The following COBL variants were observed in gnomAD, a reference collection of about 807,000 sequenced individuals.
The protein encoded by COBL is protein cordon-bleu.
In COBL, 51 loss-of-function variants were observed where a neutral mutation model predicts 98.8. The ratio of observed to expected loss-of-function variants is 0.52; its 90% CI spans 0.41 to 0.65. COBL has a LOEUF of 0.65. Ranked by LOEUF, COBL falls within the 30% of genes least tolerant of loss-of-function variation. The pLI, the probability that COBL is intolerant of heterozygous loss-of-function variation, is 0.00. For synonymous variants in COBL, 634 were observed against 651.7 expected, an observed-to-expected ratio of 0.97 and a Z score of 0.41; for missense variants, 1,617 against 1,617.5, an observed-to-expected ratio of 1.00 and a Z score of 0.01.
intron 1 of COBL, among the ~76,000 whole-genome samples, chr7:51,281,906 G>T (rs1799850585): frequency 6.6e-6 from 1 of 152,114 alleles, no homozygotes; most frequent in Non-Finnish European, 1.5e-5. Context: ...TTAAAATGTA[G>T]ATGTAACACA....
chr7:51,101,723 C>T (rs1795824430), intron 6 of COBL, among the ~76,000 whole-genome samples: 1 of 152,212 alleles, frequency 6.6e-6, no homozygotes, highest in Non-Finnish European at 1.5e-5. Flanking sequence ...CAAAGTGTTG[C>T]TTTAGAAAAT....
chr7:51,196,769 T>C (rs908896873), intron 2 of COBL, among the ~76,000 whole-genome samples: 28 of 152,102 alleles, frequency 1.8e-4, no homozygotes, highest in African/African-American at 6.0e-4. Context: ...TGTGTGTGTG[T>C]CCAGGAATTT....
At chr7:51,187,331 T>TATACATACAC (rs1554421096) in intron 4 of COBL, among the ~76,000 whole-genome samples, 2 of 101,454 alleles carry the variant, frequency 2.0e-5, no homozygotes, top group East Asian at 2.8e-4. Context: ...TATATATATA[T>TATACATACAC]ACACACACAC....
At chr7:51,259,793 T>C (rs1156740253) in intron 1 of COBL, 4 of 751,476 alleles carry the variant, frequency 5.3e-6, no homozygotes, top group Non-Finnish European at 9.7e-6. Context: ...TTTTAGGTTC[T>C]GGGGGGTGAC....
Position 51,073,343 on chromosome 7 carries a change from C to T in COBL, c.1096+11823G>A, listed in dbSNP as rs572855654. ...CGAGGTCAGGAAGAGGCCCGTCCAT[C>T]AGAAGCGCTTGGCCTGAGTAGGGAA... is the stretch of plus-strand genomic sequence containing the variant. On this transcript the variant is annotated intron_variant, in intron 7 of 12. Coordinates refer to ENST00000265136, the MANE Select transcript of COBL (RefSeq NM_015198.5). The T allele has an allele frequency of 2.2e-4, 152 of 697,724 alleles. No homozygotes were observed. The African/African-American group carries it at 2.4e-3, about 11-fold the overall frequency. The allele number at this position is 697,724 out of a possible 1,614,324, so 43.2% of individuals were successfully genotyped here.
intron 7 of COBL, among the ~76,000 whole-genome samples, chr7:51,084,366 A>G (rs2289177): frequency 0.56 from 84,336 of 151,828 alleles, 23,695 homozygotes; most frequent in Middle Eastern, 0.69. Context: ...CGTCGTGAGC[A>G]CTGACACACG....
intron 2 of COBL, among the ~76,000 whole-genome samples, chr7:51,206,677 G>A (rs574145846): frequency 6.6e-6 from 1 of 152,266 alleles, no homozygotes; most frequent in South Asian, 2.1e-4. Flanking sequence ...TATATACAAT[G>A]AAGTATTACA....
intron 1 of COBL, among the ~76,000 whole-genome samples, chr7:51,314,521 T>G (rs1584479218): frequency 1.3e-5 from 2 of 152,350 alleles, no homozygotes; most frequent in South Asian, 4.1e-4. Flanking sequence ...AGCATACACC[T>G]AAATTATATA....
chr7:51,055,373 C>T (rs1790640788), intron 7 of COBL, among the ~76,000 whole-genome samples: 1 of 152,208 alleles, frequency 6.6e-6, no homozygotes, highest in Admixed American at 6.5e-5. Flanking sequence ...CCGAATTCCT[C>T]TCTCTAAGGA....
chr7:51,222,714 AG>A (rs144874101), intron 1 of COBL, among the ~76,000 whole-genome samples: 9,451 of 149,642 alleles, frequency 0.063, 512 homozygotes, highest in East Asian at 0.28. Flanking sequence ...AGGTGTTTTC[AG>A]GGGAAAAAAA....
At chr7:51,299,305 G>C (rs1801697551) in intron 1 of COBL, among the ~76,000 whole-genome samples, 1 of 152,252 alleles carries the variant, frequency 6.6e-6, no homozygotes, top group African/African-American at 2.4e-5. Flanking sequence ...TGGCTGTTTA[G>C]AAAGTATTAT....
At chr7:51,270,664 G>C (rs1476723331) in intron 1 of COBL, among the ~76,000 whole-genome samples, 1 of 152,116 alleles carries the variant, frequency 6.6e-6, no homozygotes, top group Non-Finnish European at 1.5e-5. Flanking sequence ...AATATTTCTA[G>C]AGAAAACAGA....
rs1055252462 is a variant in COBL, at chr7:51,098,607, T to A, written c.958-13303A>T. Among the ~76,000 whole-genome samples the A allele has an allele frequency of 2.6e-5, 4 of 152,076 alleles. No individual in the cohort carries two copies. The East Asian group carries it at 7.7e-4, about 29-fold the overall frequency. ...CCTTACCGTTAACCATATAAAAAAATTAAAATGGATTAAACATCCAAATGT... is the reference window on the plus strand; with the variant it reads ...CCTTACCGTTAACCATATAAAAAAAATAAAATGGATTAAACATCCAAATGT... On this transcript the variant is annotated intron_variant, in intron 6 of 12. Transcript: ENST00000265136.
intron 1 of COBL, among the ~76,000 whole-genome samples, chr7:51,251,436 A>T (rs1796719634): frequency 6.6e-6 from 1 of 152,188 alleles, no homozygotes; most frequent in Non-Finnish European, 1.5e-5. Flanking sequence ...AAGGTGTGAC[A>T]ACTTAAACCA....
chr7:51,098,008 A>C, intron 6 of COBL, among the ~76,000 whole-genome samples: 1 of 136,978 alleles, frequency 7.3e-6, no homozygotes, highest in Non-Finnish European at 1.5e-5. Flanking sequence ...TGGACAACAG[A>C]GCGAGACTCC....
chr7:51,310,072 G>C (rs993451951), intron 1 of COBL, among the ~76,000 whole-genome samples: 3 of 152,326 alleles, frequency 2.0e-5, no homozygotes, highest in East Asian at 1.9e-4. Context: ...AAATCCAAAG[G>C]CTGGAGCCTC....
chr7:51,060,394 C>T (rs918757103), intron 7 of COBL, among the ~76,000 whole-genome samples: 1 of 152,192 alleles, frequency 6.6e-6, no homozygotes, highest in South Asian at 2.1e-4. Flanking sequence ...GAACTCGCTT[C>T]CCAGCCAAAG....
intron 1 of COBL, among the ~76,000 whole-genome samples, chr7:51,223,421 A>G (rs770571947): frequency 1.3e-5 from 2 of 152,232 alleles, no homozygotes; most frequent in Non-Finnish European, 2.9e-5. Flanking sequence ...GTGTGTTTCC[A>G]TCTGGACCTA....
At chr7:51,194,028 T>C (rs979055460) in intron 2 of COBL, among the ~76,000 whole-genome samples, 4 of 152,200 alleles carry the variant, frequency 2.6e-5, no homozygotes, top group African/African-American at 9.6e-5. Flanking sequence ...TGGGGGCTTG[T>C]TGTACAGCTT....
Sources: gnomAD v4.1 joint callset for allele counts (sites outside exome capture counted in the v4.1 genomes callset) on GRCh38, gnomAD v4.1.1 for gene constraint, MANE v1.5 for transcripts, NCBI Gene and HGNC (gene_info 2026-07-23, HGNC 2026-07-21) for gene names.